PSD3: variants seen among roughly 807,000 people sequenced by gnomAD.
PSD3 encodes PH and SEC7 domain-containing protein 3.
A neutral mutation model predicts 105.5 loss-of-function variants in PSD3; 49 were observed. That is an observed-to-expected ratio of 0.46 (90% CI 0.37 to 0.59). The LOEUF (loss-of-function observed/expected upper bound fraction) is 0.59. Among genes scored for constraint, PSD3 ranks in the 20% least tolerant of loss-of-function variants. PSD3 has a pLI of 0.00. For missense variants in PSD3, 1,561 were observed against 1,263.8 expected (o/e 1.24, Z -3.57); for synonymous variants, 557 against 457.8 (o/e 1.22, Z -2.77).
chr8:18,600,752 G>C (rs1804380487), intron 11 of PSD3, among the ~76,000 whole-genome samples: 1 of 152,154 alleles, frequency 6.6e-6, no homozygotes. Flanking sequence ...CAGGTAGCAT[G>C]GCTGACAACA....
chr8:18,580,168 G>A (rs544556239), intron 12 of PSD3, among the ~76,000 whole-genome samples: 2 of 152,240 alleles, frequency 1.3e-5, no homozygotes, highest in Admixed American at 6.5e-5. Context: ...ATGTAAAAGA[G>A]CACAGAACCA....
chr8:18,729,224 T>C (rs1803553379), intron 9 of PSD3, among the ~76,000 whole-genome samples: 1 of 152,120 alleles, frequency 6.6e-6, no homozygotes. Context: ...GAACCACACG[T>C]CCCCCACAAT....
At chr8:18,642,816 G>C (rs1807748269) in intron 10 of PSD3, among the ~76,000 whole-genome samples, 1 of 152,130 alleles carries the variant, frequency 6.6e-6, no homozygotes, top group Non-Finnish European at 1.5e-5. Context: ...ATGCCACTTA[G>C]ACATGAAGCA....
chr8:18,649,617 A>G (rs1156247611), intron 10 of PSD3, among the ~76,000 whole-genome samples: 1 of 152,200 alleles, frequency 6.6e-6, no homozygotes, highest in Non-Finnish European at 1.5e-5. Flanking sequence ...GTATTTTGCA[A>G]TGTGAGAAGG....
At chr8:19,065,961 G>T (rs1829061817) in intron 1 of PSD3, among the ~76,000 whole-genome samples, 1 of 151,772 alleles carries the variant, frequency 6.6e-6, no homozygotes, top group African/African-American at 2.4e-5. Context: ...CATACAAAAA[G>T]ACCACTTTGG....
chr8:18,799,548 C>T (rs375001783), intron 7 of PSD3, among the ~76,000 whole-genome samples, 195 bp from the exon 8 acceptor site: 9 of 152,318 alleles, frequency 5.9e-5, no homozygotes, highest in African/African-American at 2.2e-4. Context: ...CTGGACTCCA[C>T]TGTTGATAAG....
chr8:18,766,000 A>G (rs1806965065), intron 8 of PSD3, among the ~76,000 whole-genome samples: 1 of 144,576 alleles, frequency 6.9e-6, no homozygotes, highest in Non-Finnish European at 1.6e-5. Context: ...AAACAGACAA[A>G]CAAACAAACA....
chr8:18,926,235 A>G (rs568490968), intron 2 of PSD3, among the ~76,000 whole-genome samples: 3 of 152,170 alleles, frequency 2.0e-5, no homozygotes, highest in East Asian at 1.9e-4. Context: ...GACTGTCCAC[A>G]TGGGTGGCTG....
chr8:18,972,282 T>C (rs189131781), intron 1 of PSD3, among the ~76,000 whole-genome samples: 2 of 152,316 alleles, frequency 1.3e-5, no homozygotes, highest in East Asian at 3.9e-4. Flanking sequence ...GAATTGATTT[T>C]CTGCAATGAT....
intron 4 of PSD3, among the ~76,000 whole-genome samples, chr8:18,823,721 G>A (rs1012369545): frequency 4.0e-5 from 6 of 151,694 alleles, no homozygotes; most frequent in African/African-American, 1.5e-4. Flanking sequence ...TTGGGAAAAT[G>A]AGGACACCAT....
At chr8:18,731,117 GT>G (rs1180105960) in intron 9 of PSD3, among the ~76,000 whole-genome samples, 9 of 151,534 alleles carry the variant, frequency 5.9e-5, no homozygotes, top group Admixed American at 2.6e-4. Context: ...TTAGCTGGAC[GT>G]GGGGGCGGGC....
At chr8:18,740,409 A>ATTCCC (rs1804475154) in intron 9 of PSD3, among the ~76,000 whole-genome samples, 1 of 152,152 alleles carries the variant, frequency 6.6e-6, no homozygotes, top group Non-Finnish European at 1.5e-5. Context: ...CTACAAAGAG[A>ATTCCC]AAACTGTGTT....
At chr8:18,750,606 G>A (rs529911192) in intron 9 of PSD3, among the ~76,000 whole-genome samples, 22 of 152,160 alleles carry the variant, frequency 1.4e-4, no homozygotes, top group African/African-American at 4.8e-4. Flanking sequence ...TGCTGGCTCC[G>A]GCAGCCTGCT....
intron 1 of PSD3, among the ~76,000 whole-genome samples, chr8:19,021,596 A>G (rs532746297): frequency 6.6e-5 from 10 of 151,902 alleles, no homozygotes; most frequent in African/African-American, 2.4e-4. Context: ...GGAATTGTAA[A>G]GAGAAAATCT....
At chr8:18,810,376 C>G (rs1315840266) in intron 4 of PSD3, among the ~76,000 whole-genome samples, 1 of 152,112 alleles carries the variant, frequency 6.6e-6, no homozygotes, top group African/African-American at 2.4e-5. Flanking sequence ...TTCCAATTCA[C>G]TGTAGCTAAT....
intron 2 of PSD3, among the ~76,000 whole-genome samples, chr8:18,928,330 C>A (rs1273243970): frequency 6.6e-6 from 1 of 152,188 alleles, no homozygotes; most frequent in Non-Finnish European, 1.5e-5. Context: ...GCTCTTCCTT[C>A]GTCTTCCACC....
chr8:18,690,033 G>A (rs957293963), intron 9 of PSD3, among the ~76,000 whole-genome samples: 1 of 152,090 alleles, frequency 6.6e-6, no homozygotes, highest in African/African-American at 2.4e-5. Flanking sequence ...TTTCTTGAAA[G>A]CTAAATATTC....
chr8:18,627,219 G>T (rs915893141), intron 11 of PSD3, among the ~76,000 whole-genome samples: 2 of 152,064 alleles, frequency 1.3e-5, no homozygotes, highest in Admixed American at 1.3e-4. Context: ...CCTAAACAGA[G>T]CCTGTGAGTC....
At chr8:18,876,423 G>T (rs910302927) in intron 2 of PSD3, among the ~76,000 whole-genome samples, 2 of 152,050 alleles carry the variant, frequency 1.3e-5, no homozygotes, top group Non-Finnish European at 2.9e-5. Flanking sequence ...GTCTCACTCT[G>T]TCACCCAGGC....
Sources: allele counts gnomAD v4.1 joint callset (sites outside exome capture counted in the v4.1 genomes callset), GRCh38; gene constraint gnomAD v4.1.1; transcripts MANE v1.5; gene names NCBI Gene and HGNC (gene_info 2026-07-23, HGNC 2026-07-21).